ATP9A: variants seen among roughly 807,000 people sequenced by gnomAD.
ATP9A encodes probable phospholipid-transporting ATPase IIA.
A neutral mutation model predicts 144.1 loss-of-function variants in ATP9A; 52 were observed. The observed-to-expected ratio is 0.36, with a 90% CI of 0.29 to 0.45. The LOEUF (loss-of-function observed/expected upper bound fraction) is 0.45, where lower values mean the gene tolerates loss of function less well. ATP9A is among the 20% of genes least tolerant of loss of function. The pLI is 1.00. For missense variants in ATP9A, 947 were observed against 1,392.7 expected, an observed-to-expected ratio of 0.68 and a Z score of 5.09; for synonymous variants, 582 against 557.4, an observed-to-expected ratio of 1.04 and a Z score of -0.62.
chr20:51,700,154 C>T (rs975407651), intron 4 of ATP9A, among the ~76,000 whole-genome samples: 3 of 152,136 alleles, frequency 2.0e-5, no homozygotes, highest in Admixed American at 6.6e-5. Context: ...CCACTGGCCT[C>T]CTTTCATTAT....
chr20:51,734,694 G>T (rs1282211393), intron 1 of ATP9A: 2 of 165,242 alleles, frequency 1.2e-5, no homozygotes, highest in South Asian at 1.5e-4. Context: ...ACAAAGATAT[G>T]ACTTTCTTAA....
intron 9 of ATP9A, among the ~76,000 whole-genome samples, chr20:51,687,763 CAAAA>C (rs201342511): frequency 7.7e-6 from 1 of 129,886 alleles, no homozygotes; most frequent in African/African-American, 3.3e-5. Flanking sequence ...GACCCTGTCT[CAAAA>C]AAAAAAAAAA....
At position 51,736,517 on chromosome 20, in the gene ATP9A, G is replaced by GTT. The variant is rs11484154; in HGVS notation, c.69-6541_69-6540dup. On this transcript the variant is annotated intron_variant, in intron 1 of 27. Transcript: ENST00000338821. ...ATTTTTTTTTTTGTCTTTTGTTTTT[G>GTT]TTTTTTTTTCCTTTTTCTGGAGAAC... Among the ~76,000 whole-genome samples, 425 of 146,522 alleles carry GTT rather than the reference G, an allele frequency of 2.9e-3. 1 individual carries two copies. Among genetic ancestry groups the GTT allele is most frequent in the Middle Eastern group, 0.014 (4 of 278 alleles).
rs35997419 is a variant in ATP9A at position 51,600,807 on chromosome 20, AACACACACACACAC to A, written c.*390_*403del. ...TACATACACATTAGGACTCTTTAAA[AACACACACACACAC>A]ACACACACACACACACACACACACA... On this transcript the variant is annotated 3_prime_UTR_variant, in exon 28 of 28. Coordinates refer to ENST00000338821, the MANE Select transcript of ATP9A (RefSeq NM_006045.3). 53 of 120,624 alleles carry A rather than the reference AACACACACACACAC, an allele frequency of 4.4e-4. 1 individual carries two copies. Among genetic ancestry groups the A allele is most frequent in the East Asian group, 8.3e-4 (4 of 4,838 alleles). 7.5% of individuals were successfully genotyped at this position (120,624 alleles called of 1,614,324 possible).
At chr20:51,638,203 C>G (rs1345457704) in intron 15 of ATP9A, among the ~76,000 whole-genome samples, 2 of 139,324 alleles carry the variant, frequency 1.4e-5, no homozygotes, top group African/African-American at 5.4e-5. Context: ...AATTGTGCTG[C>G]TATAAAAATG....
At chr20:51,669,643 G>A (rs989531872) in intron 13 of ATP9A, among the ~76,000 whole-genome samples, 8 of 152,090 alleles carry the variant, frequency 5.3e-5, no homozygotes, top group Non-Finnish European at 7.3e-5. Flanking sequence ...TTTTCTCACA[G>A]GTTTTTCCTA....
intron 5 of ATP9A, 76 bp from the exon 6 acceptor site, chr20:51,696,220 C>G: frequency 7.1e-7 from 1 of 1,409,910 alleles, no homozygotes; most frequent in South Asian, 1.2e-5. Flanking sequence ...GGCTTCCGCC[C>G]CCACCCCCAA....
At chr20:51,652,050 A>G (rs181972759) in intron 14 of ATP9A, among the ~76,000 whole-genome samples, 1 of 152,296 alleles carries the variant, frequency 6.6e-6, no homozygotes, top group Non-Finnish European at 1.5e-5. Flanking sequence ...AAACCAAGAA[A>G]CAAAGGCTTG....
At chr20:51,658,294 T>C (rs2077395515) in intron 13 of ATP9A, among the ~76,000 whole-genome samples, 1 of 152,004 alleles carries the variant, frequency 6.6e-6, no homozygotes, top group Non-Finnish European at 1.5e-5. Flanking sequence ...ACCCTGTCTC[T>C]ACAAAAATAC....
chr20:51,760,017 C>T (rs996519025), intron 1 of ATP9A, among the ~76,000 whole-genome samples: 4 of 152,128 alleles, frequency 2.6e-5, no homozygotes, highest in Admixed American at 2.0e-4. Context: ...GCAGCTCTCA[C>T]ACTACAAATA....
intron 10 of ATP9A, among the ~76,000 whole-genome samples, chr20:51,674,863 C>T (rs2077470596): frequency 6.6e-6 from 1 of 152,162 alleles, no homozygotes; most frequent in Non-Finnish European, 1.5e-5. Context: ...CGCTTTGTCA[C>T]CCAGGCTGGA....
rs1244430992 is a variant in ATP9A at position 51,701,872 on chromosome 20, A to C, written c.437-4390T>G. On this transcript the variant is annotated intron_variant, in intron 4 of 27. Coordinates refer to ENST00000338821, the MANE Select transcript of ATP9A (RefSeq NM_006045.3). ...TGTTGTCTTTTCTTTTGGTGATCAAAAACACGTAGTTTGGCTGGGCACAGT... is the reference window on the plus strand; with the variant it reads ...TGTTGTCTTTTCTTTTGGTGATCAACAACACGTAGTTTGGCTGGGCACAGT... 3.9e-5 allele frequency among the ~76,000 whole-genome samples: 6 copies of C among 152,150 alleles called. No individual in the cohort carries two copies. The East Asian group carries it at 1.2e-3, about 29-fold the overall frequency.
At chr20:51,665,221 T>C (rs954082223) in intron 13 of ATP9A, among the ~76,000 whole-genome samples, 1 of 140,650 alleles carries the variant, frequency 7.1e-6, no homozygotes, top group African/African-American at 2.6e-5. Context: ...AGACAGAAAG[T>C]AGACTGACAG....
rs60505207 is a variant in ATP9A, at chr20:51,682,577, C to CTTTTTTTTTTTTTTTTTTTTTTTTTTT, written c.800-6396_800-6370dup. Among the ~76,000 whole-genome samples, 5 of 35,084 alleles carry CTTTTTTTTTTTTTTTTTTTTTTTTTTT rather than the reference C, an allele frequency of 1.4e-4. 1 individual carries two copies. Among genetic ancestry groups the CTTTTTTTTTTTTTTTTTTTTTTTTTTT allele is most frequent in the African/African-American group, 3.1e-4 (3 of 9,820 alleles). 23.0% of individuals were successfully genotyped at this position (35,084 alleles called of 152,430 possible). On this transcript the variant is annotated intron_variant, in intron 9 of 27. Transcript: ENST00000338821. ...TAAAGTGTGTTGCTTTTCACTGTATCTTTTTTTTTTTTTTTTTTTTTTTTT... is the reference window on the plus strand; with the variant it reads ...TAAAGTGTGTTGCTTTTCACTGTATCTTTTTTTTTTTTTTTTTTTTTTTTTTTTTTTTTTTTTTTTTTTTTTTTTTTT...
At chr20:51,604,085 A>G (rs1389711176) in intron 27 of ATP9A, among the ~76,000 whole-genome samples, 2 of 152,036 alleles carry the variant, frequency 1.3e-5, no homozygotes, top group Non-Finnish European at 2.9e-5. Flanking sequence ...GGCCTCCATA[A>G]CATTTTTTAT....
chr20:51,672,070 G>T (rs556413554), intron 11 of ATP9A, among the ~76,000 whole-genome samples: 2 of 152,150 alleles, frequency 1.3e-5, no homozygotes, highest in Non-Finnish European at 2.9e-5. Flanking sequence ...AAAGTGCTGG[G>T]ACTACAGACG....
At chr20:51,694,429 G>A (rs945435447) in intron 6 of ATP9A, among the ~76,000 whole-genome samples, 2 of 152,178 alleles carry the variant, frequency 1.3e-5, no homozygotes, top group Admixed American at 6.5e-5. Flanking sequence ...GAACGGGGAC[G>A]AGCACAGGTT....
At chr20:51,603,670 A>G (rs1455117451) in intron 27 of ATP9A, among the ~76,000 whole-genome samples, 3 of 152,162 alleles carry the variant, frequency 2.0e-5, no homozygotes, top group Non-Finnish European at 4.4e-5. Context: ...GACAAGCCCA[A>G]GAGTACCTGG....
intron 3 of ATP9A, among the ~76,000 whole-genome samples, chr20:51,718,374 G>C (rs866108091): frequency 3.1e-5 from 3 of 95,312 alleles, no homozygotes; most frequent in East Asian, 4.1e-4. Context: ...ATGTGTGTGT[G>C]GGGGGGGGTT....
Sources: allele counts gnomAD v4.1 joint callset (sites outside exome capture counted in the v4.1 genomes callset), GRCh38; gene constraint gnomAD v4.1.1; transcripts MANE v1.5; gene names NCBI Gene and HGNC (gene_info 2026-07-23, HGNC 2026-07-21).